Variants in C9orf153 observed in about 807,000 individuals in gnomAD.
C9orf153 encodes uncharacterized protein C9orf153.
C9orf153 carries 10 observed loss-of-function variants against 9.0 expected under a neutral mutation model. The ratio of observed to expected loss-of-function variants is 1.11; its 90% CI spans 0.69 to 1.89. C9orf153 has a LOEUF of 1.89. Among genes scored for constraint, C9orf153 ranks in the 40% most tolerant of loss-of-function variants. C9orf153 has a pLI of 0.00. For missense variants in C9orf153, 108 were observed against 111.0 expected (o/e 0.97, Z 0.12); for synonymous variants, 35 against 37.3 (o/e 0.94, Z 0.23).
intron 1 of C9orf153, among the ~76,000 whole-genome samples, chr9:86,249,548 C>CTT (rs369850072): frequency 0.01 from 1,334 of 128,366 alleles, 30 homozygotes; most frequent in African/African-American, 0.037. Flanking sequence ...CGTCTCCCAC[C>CTT]TTTTTTTTTT....
intron 1 of C9orf153, among the ~76,000 whole-genome samples, chr9:86,236,611 A>G (rs7874751): frequency 0.74 from 110,775 of 150,624 alleles, 42,132 homozygotes; most frequent in East Asian, 0.98. Context: ...CAAACATTTA[A>G]GGAATGTGTT....
intron 1 of C9orf153, among the ~76,000 whole-genome samples, chr9:86,233,311 T>G (rs527795707): frequency 6.6e-6 from 1 of 152,350 alleles, no homozygotes; most frequent in South Asian, 2.1e-4. Flanking sequence ...TAATCTTCAG[T>G]ATAATGACAT....
At position 86,228,038 on chromosome 9, in the gene C9orf153, C is replaced by T; in HGVS notation, c.67-8G>A. ...TGCATATAATTCTGGAAGCTGTGGACAAAAAAAAAAGTGGTAAGTCACGAG... is the reference window on the plus strand; with the variant it reads ...TGCATATAATTCTGGAAGCTGTGGATAAAAAAAAAAGTGGTAAGTCACGAG... On this transcript the variant is annotated splice_polypyrimidine_tract_variant and splice_region_variant and intron_variant, in intron 2 of 3. Transcript: ENST00000339137. 2 of 1,283,914 alleles carry T rather than the reference C, an allele frequency of 1.6e-6. No individual in the cohort carries two copies. Among genetic ancestry groups the T allele is most frequent in the South Asian group, 1.6e-5 (1 of 62,130 alleles). 79.5% of individuals were successfully genotyped at this position (1,283,914 alleles called of 1,614,324 possible). A position where few individuals can be genotyped will look rare whatever the true frequency, so the allele number is the denominator to read the frequency against.
chr9:86,230,247 T>C (rs1824440685), intron 1 of C9orf153, among the ~76,000 whole-genome samples: 1 of 152,270 alleles, frequency 6.6e-6, no homozygotes, highest in Admixed American at 6.5e-5. Flanking sequence ...AACATGTGTA[T>C]TTAGTTTTAA....
chr9:86,249,601 C>T lies in C9orf153; in HGVS notation c.-27+9949G>A, dbSNP rs146809270. ...TCTTACTCTGTCACCCAGGTTGGAG[C>T]GCAGTGGCGCGATTTTGGCTCACTG... On this transcript the variant is annotated intron_variant, in intron 1 of 3. Transcript: ENST00000339137. Among the ~76,000 whole-genome samples, 579 of 150,024 alleles carry T rather than the reference C, an allele frequency of 3.9e-3. 2 individuals carry two copies. The highest frequency in any genetic ancestry group is 5.3e-3 in the African/African-American group (216 of 40,564).
intron 1 of C9orf153, among the ~76,000 whole-genome samples, chr9:86,246,720 C>T (rs992561218): frequency 1.3e-5 from 2 of 152,138 alleles, no homozygotes; most frequent in Non-Finnish European, 2.9e-5. Flanking sequence ...AATGCACTCA[C>T]CAATGGGTTA....
intron 1 of C9orf153, among the ~76,000 whole-genome samples, chr9:86,256,997 CAAGAAG>C (rs747251846): frequency 6.6e-6 from 1 of 151,980 alleles, no homozygotes; most frequent in African/African-American, 2.4e-5. Context: ...CTTGTCTCAA[CAAGAAG>C]AAGAAGAAAA....
intron 1 of C9orf153, among the ~76,000 whole-genome samples, chr9:86,259,020 T>C (rs1287208260): frequency 6.9e-6 from 1 of 145,022 alleles, no homozygotes; most frequent in Non-Finnish European, 1.5e-5. Context: ...GATAGTATCA[T>C]ACAGAGCAGT....
intron 1 of C9orf153, among the ~76,000 whole-genome samples, chr9:86,248,913 T>A (rs1824930075): frequency 6.6e-6 from 1 of 152,164 alleles, no homozygotes; most frequent in Admixed American, 6.5e-5. Context: ...TGAGGTGTAA[T>A]CTCATCTGGT....
chr9:86,224,770 A>AG (rs1824282165), intron 3 of C9orf153, among the ~76,000 whole-genome samples: 15 of 116,370 alleles, frequency 1.3e-4, no homozygotes, highest in Non-Finnish European at 2.1e-4. Context: ...TACTAAAAAT[A>AG]CAAAAAAAAA....
intron 1 of C9orf153, among the ~76,000 whole-genome samples, chr9:86,259,031 G>GTTTTTTT (rs11440861): frequency 1.4e-5 from 2 of 147,374 alleles, no homozygotes; most frequent in African/African-American, 2.5e-5. Flanking sequence ...ACAGAGCAGT[G>GTTTTTTT]TTTTTTTTTT....
intron 1 of C9orf153, among the ~76,000 whole-genome samples, chr9:86,254,127 G>C (rs1587811894): frequency 1.3e-5 from 2 of 148,474 alleles, no homozygotes; most frequent in Non-Finnish European, 3.0e-5. Flanking sequence ...AACTTATTTT[G>C]CAAATAAATT....
chr9:86,229,411 A>T, intron 2 of C9orf153, 127 bp downstream of exon 2: 1 of 628,552 alleles, frequency 1.6e-6, no homozygotes, highest in East Asian at 2.9e-5. Flanking sequence ...TTAAGTCATT[A>T]AAGTGACATT....
intron 1 of C9orf153, among the ~76,000 whole-genome samples, chr9:86,234,737 T>G (rs533712079): frequency 1.3e-5 from 2 of 152,242 alleles, no homozygotes; most frequent in Admixed American, 1.3e-4. Context: ...TTAAAAACTT[T>G]GGTGCTTTAG....
In C9orf153 at chr9:86,227,927, A is replaced by G. The variant is rs1295995101; in HGVS notation, c.170T>C (p.Leu57Pro). ...GISLNEAQEV[L>P]ARNLNVMSFT... ...TGACATGACATTCAGGTTTCTAGCA[A>G]GTACTTCCTGTGCTTCGTTAAGTGA... Residue 57 changes from leucine (L) to proline (P), a missense_variant, in exon 3 of 4, where the codon CTT becomes CCT. Coordinates refer to ENST00000339137, the MANE Select transcript of C9orf153 (RefSeq NM_001276366.4). The G allele has an allele frequency of 3.1e-6, 5 of 1,613,972 alleles. No individual in the cohort carries two copies. The highest frequency in any genetic ancestry group is 3.3e-5 in the Admixed American group (2 of 60,004).
chr9:86,226,368 C>A (rs1824331699), intron 3 of C9orf153, among the ~76,000 whole-genome samples: 1 of 151,946 alleles, frequency 6.6e-6, no homozygotes, highest in Non-Finnish European at 1.5e-5. Flanking sequence ...GTTCCCCAGG[C>A]TGGAGTGCAG....
rs370730130 is a variant in C9orf153 at position 86,249,786 on chromosome 9, A to T, written c.-27+9764T>A. Reference sequence around the variant, plus strand: ...GGTCTTGAACTCCTGACTTCAAGTGATCTGCCTGCCTCAGCTTCCCACAGT... The same window carrying T: ...GGTCTTGAACTCCTGACTTCAAGTGTTCTGCCTGCCTCAGCTTCCCACAGT... On this transcript the variant is annotated intron_variant, in intron 1 of 3. Transcript: ENST00000339137. 1.8e-4 allele frequency among the ~76,000 whole-genome samples: 28 copies of T among 152,332 alleles called. No homozygotes were observed. In the East Asian group the frequency reaches 5.4e-3, roughly 29 times the overall value.
intron 1 of C9orf153, among the ~76,000 whole-genome samples, chr9:86,245,094 T>C (rs1313951310): frequency 2.0e-5 from 3 of 152,102 alleles, no homozygotes; most frequent in African/African-American, 7.2e-5. Context: ...AACCAACTAA[T>C]TTTTGTGTTT....
At chr9:86,234,388 C>G (rs1824535955) in intron 1 of C9orf153, among the ~76,000 whole-genome samples, 1 of 152,122 alleles carries the variant, frequency 6.6e-6, no homozygotes, top group African/African-American at 2.4e-5. Flanking sequence ...GAAATAAAGG[C>G]TAAAAATTAT....
Sources: allele counts gnomAD v4.1 joint callset (sites outside exome capture counted in the v4.1 genomes callset), GRCh38; gene constraint gnomAD v4.1.1; transcripts MANE v1.5; gene names NCBI Gene and HGNC (gene_info 2026-07-23, HGNC 2026-07-21).